The following DCAF6 variants were observed in gnomAD, a reference collection of about 807,000 sequenced individuals.
DCAF6 encodes the protein DDB1- and CUL4-associated factor 6.
DCAF6 carries 54 observed loss-of-function variants against 125.1 expected under a neutral mutation model. That is an observed-to-expected ratio of 0.43 (90% CI 0.35 to 0.54). The LOEUF (loss-of-function observed/expected upper bound fraction) is 0.54. Ranked by LOEUF, DCAF6 falls within the 20% of genes least tolerant of loss-of-function variation. The probability of loss-of-function intolerance (pLI) is 0.01; values close to 1 mark genes in which losing one functional copy is unlikely to be tolerated. For missense variants in DCAF6, 934 were observed against 1,161.7 expected (o/e 0.80, Z 2.85); for synonymous variants, 371 against 390.4 (o/e 0.95, Z 0.58).
intron 7 of DCAF6, chr1:167,998,703 A>G (rs1002929329): frequency 2.6e-5 from 4 of 153,132 alleles, no homozygotes; most frequent in African/African-American, 7.3e-5. Flanking sequence ...TCAAGAAACC[A>G]CTTTCTTTGC....
intron 17 of DCAF6, among the ~76,000 whole-genome samples, chr1:168,054,818 G>GA (rs1690407088): frequency 7.3e-6 from 1 of 137,344 alleles, no homozygotes; most frequent in African/African-American, 2.8e-5. Context: ...ATACGGGTTT[G>GA]GTTTTTTTTT....
intron 10 of DCAF6, 33 bp from the exon 11 acceptor site, chr1:168,015,748 G>A: frequency 1.4e-6 from 2 of 1,397,520 alleles, no homozygotes; most frequent in East Asian, 2.8e-5. Context: ...TTTTATTACT[G>A]TCTTTTCACC....
At chr1:167,992,794 T>A (rs1379855827) in intron 6 of DCAF6, among the ~76,000 whole-genome samples, 1 of 152,230 alleles carries the variant, frequency 6.6e-6, no homozygotes, top group East Asian at 1.9e-4. Flanking sequence ...GAAATTTTTT[T>A]AAAAAGTAAA....
intron 4 of DCAF6, among the ~76,000 whole-genome samples, chr1:167,986,193 ACATGCCCCATG>A (rs1312305540): frequency 6.6e-6 from 1 of 152,224 alleles, no homozygotes; most frequent in Non-Finnish European, 1.5e-5. Context: ...GCATGTTTTT[ACATGCCCCATG>A]CAGGCGTTTA....
rs1444530125 is a variant in DCAF6, at chr1:168,043,029, A to G, written c.1732A>G (p.Ser578Gly). The change falls in exon 14 of 22, where the codon AGT (serine) becomes GGT (glycine). Residue 578 changes from serine (S) to glycine (G), a missense_variant. Around this residue, in one of 5 missense-constraint regions of DCAF6, gnomAD observed 559 missense variants for 635.5 expected, o/e 0.88. Transcript: ENST00000367840. ...CTTATCTTGTTTTGATGATAGGAGC[A>G]GTATAGCATCAAGTTCTAGAGGAAT... ...IKLNFTDEWS[S>G]IASSSRGIGS... 6.2e-7 allele frequency: 1 copy of G among 1,602,450 alleles called. No homozygotes were observed. Among genetic ancestry groups the G allele is most frequent in the East Asian group, 2.2e-5 (1 of 44,786 alleles).
Position 167,985,207 on chromosome 1 carries a change from G to GTGTA in DCAF6, c.439-2285_439-2284insATGT, listed in dbSNP as rs34338954. Among the ~76,000 whole-genome samples the GTGTA allele has an allele frequency of 9.6e-3, 1,414 of 147,184 alleles. 72 individuals are homozygous for GTGTA. Among genetic ancestry groups the GTGTA allele is most frequent in the Admixed American group, 0.08 (1,175 of 14,684 alleles). On this transcript the variant is annotated intron_variant, in intron 4 of 21. Transcript: ENST00000367840. ...GTCGTGTGTGTGTGTGTGTGTGTGT[G>GTGTA]TGTGGTGTGTGTGTGTGTGGTGTGT...
At chr1:167,931,849 GTTTATT>G (rs1390865878), upstream of DCAF6, among the ~76,000 whole-genome samples, 4 of 152,034 alleles carry the variant, frequency 2.6e-5, no homozygotes, top group African/African-American at 9.6e-5. Flanking sequence ...GGTTCATTTA[GTTTATT>G]TTTATTTAAA....
chr1:167,975,995 T>TTA (rs761756929), intron 4 of DCAF6, among the ~76,000 whole-genome samples: 6 of 152,198 alleles, frequency 3.9e-5, no homozygotes, highest in African/African-American at 1.2e-4. Context: ...TTGTATGTAC[T>TTA]TATATATATA....
chr1:167,864,923 G>A, the DCAF6 span, among the ~76,000 whole-genome samples: 2 of 150,186 alleles, frequency 1.3e-5, no homozygotes, highest in Non-Finnish European at 1.5e-5. Flanking sequence ...GCTGTGGGAA[G>A]GCAAAATTTA....
At chr1:167,899,170 G>T in the DCAF6 span, among the ~76,000 whole-genome samples, 1 of 152,114 alleles carries the variant, frequency 6.6e-6, no homozygotes, top group Non-Finnish European at 1.5e-5. Flanking sequence ...CCCTCAAAAG[G>T]CCTCAATCCC....
At chr1:168,049,897 C>T (rs147150856) in intron 16 of DCAF6, among the ~76,000 whole-genome samples, 4,358 of 150,320 alleles carry the variant, frequency 0.029, 214 homozygotes, top group African/African-American at 0.1. Flanking sequence ...CCTCGTGATC[C>T]GCCTGCCTCA....
chr1:168,026,301 A>G (rs1340951846), intron 12 of DCAF6, among the ~76,000 whole-genome samples: 2 of 152,170 alleles, frequency 1.3e-5, no homozygotes, highest in Admixed American at 1.3e-4. Flanking sequence ...AATATTCGTT[A>G]AACGAGTGAG....
At chr1:168,056,358 G>C in intron 17 of DCAF6, 4 of 1,567,014 alleles carry the variant, frequency 2.6e-6, no homozygotes, top group Non-Finnish European at 3.5e-6. Flanking sequence ...GGGCGCGGCG[G>C]GTGACGGGAC....
the DCAF6 span, chr1:167,878,736 C>T: frequency 8.3e-7 from 1 of 1,202,496 alleles, no homozygotes; most frequent in Non-Finnish European, 1.2e-6. Flanking sequence ...ACCCTTTACT[C>T]CCTTTGCTGT....
chr1:167,864,367 T>G, the DCAF6 span, among the ~76,000 whole-genome samples: 1 of 152,140 alleles, frequency 6.6e-6, no homozygotes. Flanking sequence ...GAACTTTGTG[T>G]AAAATAGACT....
the DCAF6 span, among the ~76,000 whole-genome samples, chr1:167,867,133 G>A: frequency 6.6e-6 from 1 of 152,308 alleles, no homozygotes; most frequent in African/African-American, 2.4e-5. Flanking sequence ...GTATCAGAGA[G>A]CCCAGTTAAA....
At chr1:168,026,463 G>A (rs1243583180) in intron 12 of DCAF6, among the ~76,000 whole-genome samples, 1 of 152,080 alleles carries the variant, frequency 6.6e-6, no homozygotes, top group East Asian at 1.9e-4. Flanking sequence ...ACACGTAAGA[G>A]GCCATTGCTA....
At chr1:167,989,755 C>T (rs1680566541) in intron 5 of DCAF6, among the ~76,000 whole-genome samples, 1 of 152,024 alleles carries the variant, frequency 6.6e-6, no homozygotes, top group African/African-American at 2.4e-5. Flanking sequence ...GTGGCACATG[C>T]CTGTAATCCC....
At chr1:167,951,908 G>GT (rs746661276) in intron 2 of DCAF6, 47 bp downstream of exon 2, 34 of 1,272,762 alleles carry the variant, frequency 2.7e-5, no homozygotes, top group Admixed American at 3.7e-5. Context: ...GATACTAAGT[G>GT]TTTAAGTGTT....
Sources: gnomAD v4.1 joint callset for allele counts (sites outside exome capture counted in the v4.1 genomes callset) on GRCh38, gnomAD v4.1.1 for gene constraint, gnomAD v4.1.1 regional missense constraint, MANE v1.5 for transcripts, NCBI Gene and HGNC (gene_info 2026-07-23, HGNC 2026-07-21) for gene names.